The following SLC41A2 variants were observed in gnomAD, a reference collection of about 807,000 sequenced individuals.
SLC41A2 encodes the protein solute carrier family 41 member 2.
Under a neutral mutation model 58.3 loss-of-function variants are expected in SLC41A2, and 32 were observed. That is an observed-to-expected ratio of 0.55 (90% CI 0.41 to 0.74). The LOEUF (loss-of-function observed/expected upper bound fraction) is 0.74, where lower values mean the gene tolerates loss of function less well. Among genes scored for constraint, SLC41A2 ranks in the 30% least tolerant of loss-of-function variants. The pLI is 0.00. For synonymous variants in SLC41A2, 190 were observed against 235.0 expected (o/e 0.81, Z 1.75); for missense variants, 514 against 680.6 (o/e 0.76, Z 2.72).
intron 10 of SLC41A2, among the ~76,000 whole-genome samples, chr12:104,828,784 A>C (rs1046901068): frequency 1.5e-4 from 23 of 152,182 alleles, no homozygotes; most frequent in African/African-American, 5.1e-4. Context: ...CATATATCTA[A>C]CAAAAAAGTA....
chr12:104,839,821 AG>A (rs1295296684), intron 10 of SLC41A2, among the ~76,000 whole-genome samples: 3 of 152,128 alleles, frequency 2.0e-5, no homozygotes, highest in Admixed American at 2.0e-4. Context: ...CAGTTTTTCT[AG>A]GGGCAATCTT....
At chr12:104,819,130 C>G (rs1237400967) in intron 10 of SLC41A2, among the ~76,000 whole-genome samples, 1 of 151,742 alleles carries the variant, frequency 6.6e-6, no homozygotes, top group Non-Finnish European at 1.5e-5. Context: ...ACATACTAGG[C>G]AATAAGAATA....
At position 104,867,651 on chromosome 12, in the gene SLC41A2, AATT is replaced by A. The variant is rs2043536963; in HGVS notation, c.1028-1075_1028-1073del. 4.6e-5 allele frequency among the ~76,000 whole-genome samples: 7 copies of A among 151,916 alleles called. No individual in the cohort carries two copies. The South Asian group carries it at 1.5e-3, about 32-fold the overall frequency. On this transcript the variant is annotated intron_variant, in intron 6 of 10. Transcript: ENST00000258538. ...TTTTCCATATCATGTAGGAATAAAC[AATT>A]ATTATAGATATTAAAATAAAGCTAA...
chr12:104,928,697 G>A lies in SLC41A2; in HGVS notation c.-167-3C>T. 3 of 428,518 alleles carry A rather than the reference G, an allele frequency of 7.0e-6. No individual in the cohort carries two copies. The highest frequency in any genetic ancestry group is 1.8e-4 in the South Asian group (2 of 11,032). The allele number at this position is 428,518 out of a possible 1,614,324, so 26.5% of individuals were successfully genotyped here. On this transcript the variant is annotated splice_region_variant and splice_polypyrimidine_tract_variant and intron_variant, in intron 1 of 10. Transcript: ENST00000258538. Reference sequence around the variant, plus strand: ...GAAGTTCCACAGAAGGACTGGATCTGGAAAAATAAAATAATTTTTAAAAAT... The same window carrying A: ...GAAGTTCCACAGAAGGACTGGATCTAGAAAAATAAAATAATTTTTAAAAAT...
intron 1 of SLC41A2, among the ~76,000 whole-genome samples, chr12:104,956,238 G>A (rs932386570): frequency 6.6e-6 from 1 of 152,190 alleles, no homozygotes; most frequent in African/African-American, 2.4e-5. Flanking sequence ...CTTAAAGAAT[G>A]AAGTGGCACT....
chr12:104,950,833 T>TCA (rs57987047), intron 1 of SLC41A2, among the ~76,000 whole-genome samples: 6,240 of 152,248 alleles, frequency 0.041, 170 homozygotes, highest in East Asian at 0.11. Flanking sequence ...AAACTCCTTC[T>TCA]CGGTTTAAAA....
At chr12:104,909,994 AC>A (rs1203671958) in intron 2 of SLC41A2, among the ~76,000 whole-genome samples, 5 of 152,142 alleles carry the variant, frequency 3.3e-5, no homozygotes, top group Non-Finnish European at 7.4e-5. Context: ...ATATGTTGCT[AC>A]AACCCATTCT....
chr12:104,901,467 A>G (rs1419225322), intron 3 of SLC41A2, among the ~76,000 whole-genome samples: 1 of 152,152 alleles, frequency 6.6e-6, no homozygotes, highest in East Asian at 1.9e-4. Context: ...GTTTTGACTC[A>G]AGTAAGATGG....
chr12:104,877,819 TG>T (rs1291899924), intron 6 of SLC41A2, among the ~76,000 whole-genome samples: 1 of 151,966 alleles, frequency 6.6e-6, no homozygotes, highest in Non-Finnish European at 1.5e-5. Context: ...GGCAACACAG[TG>T]AAACCCCGTC....
intron 1 of SLC41A2, among the ~76,000 whole-genome samples, chr12:104,933,229 G>A (rs1291463822): frequency 6.6e-6 from 1 of 152,080 alleles, no homozygotes; most frequent in Non-Finnish European, 1.5e-5. Context: ...GACATGAATA[G>A]ACACTTCTCA....
chr12:104,837,786 T>C (rs2042263596), intron 10 of SLC41A2, among the ~76,000 whole-genome samples: 1 of 152,144 alleles, frequency 6.6e-6, no homozygotes, highest in Non-Finnish European at 1.5e-5. Flanking sequence ...GCTACTACCA[T>C]TATTGGAAAC....
chr12:104,927,548 A>T (rs1488691903), intron 2 of SLC41A2, among the ~76,000 whole-genome samples: 1 of 152,188 alleles, frequency 6.6e-6, no homozygotes, highest in Non-Finnish European at 1.5e-5. Context: ...CACAATGATA[A>T]TCTCTGGAGA....
intron 1 of SLC41A2, among the ~76,000 whole-genome samples, chr12:104,930,270 G>A (rs941326787): frequency 1.3e-5 from 2 of 152,170 alleles, no homozygotes; most frequent in Admixed American, 1.3e-4. Flanking sequence ...TAGACAGAAA[G>A]TTGGTGTTTA....
At chr12:104,954,394 A>G (rs979185315) in intron 1 of SLC41A2, among the ~76,000 whole-genome samples, 6 of 152,212 alleles carry the variant, frequency 3.9e-5, no homozygotes, top group African/African-American at 1.4e-4. Flanking sequence ...CATCTACCAT[A>G]AAGGAGACAG....
intron 1 of SLC41A2, among the ~76,000 whole-genome samples, chr12:104,942,464 T>C (rs2047549015): frequency 7.5e-6 from 1 of 134,138 alleles, no homozygotes; most frequent in Non-Finnish European, 1.6e-5. Context: ...GGCCATAGAG[T>C]GAGATCTTGT....
At chr12:104,900,319 T>G (rs2135728011) in intron 3 of SLC41A2, among the ~76,000 whole-genome samples, 1 of 152,340 alleles carries the variant, frequency 6.6e-6, no homozygotes, top group African/African-American at 2.4e-5. Context: ...TAATTAGAAT[T>G]AGAAACACTG....
chr12:104,933,523 T>TA (rs1428000703), intron 1 of SLC41A2, among the ~76,000 whole-genome samples: 9 of 152,148 alleles, frequency 5.9e-5, no homozygotes, highest in Admixed American at 5.2e-4. Flanking sequence ...GCAATCCCAC[T>TA]ACTGAGTATC....
chr12:104,811,571 T>C (rs1007745808), intron 10 of SLC41A2, among the ~76,000 whole-genome samples: 2 of 152,230 alleles, frequency 1.3e-5, no homozygotes, highest in Non-Finnish European at 1.5e-5. Flanking sequence ...AAACAGGAGT[T>C]ACCAACCATA....
intron 1 of SLC41A2, among the ~76,000 whole-genome samples, chr12:104,946,373 A>T (rs2047719538): frequency 6.6e-6 from 1 of 152,178 alleles, no homozygotes; most frequent in African/African-American, 2.4e-5. Flanking sequence ...CCTGGGCTCA[A>T]GCAATCTTCC....
Sources: gnomAD v4.1 joint callset for allele counts (sites outside exome capture counted in the v4.1 genomes callset) on GRCh38, gnomAD v4.1.1 for gene constraint, MANE v1.5 for transcripts, NCBI Gene and HGNC (gene_info 2026-07-23, HGNC 2026-07-21) for gene names.